Variants in KCNK5 observed in about 807,000 individuals in gnomAD.
The protein encoded by KCNK5 is potassium two pore domain channel subfamily K member 5, also known as potassium channel subfamily K member 5.
In KCNK5, 18 loss-of-function variants were observed where a neutral mutation model predicts 32.9. The ratio of observed to expected loss-of-function variants is 0.55; its 90% confidence interval spans 0.38 to 0.81. KCNK5 has a LOEUF of 0.81. Among genes scored for constraint, KCNK5 ranks in the 30% least tolerant of loss-of-function variants. The probability of loss-of-function intolerance (pLI) is 0.00; values close to 1 mark genes in which losing one functional copy is unlikely to be tolerated. For synonymous variants in KCNK5, 276 were observed against 275.3 expected, an observed-to-expected ratio of 1.00 and a Z score of -0.03; for missense variants, 507 against 651.0, an observed-to-expected ratio of 0.78 and a Z score of 2.41.
chr6:39,202,739 AT>A (rs900032309), intron 1 of KCNK5, among the ~76,000 whole-genome samples: 1 of 152,018 alleles, frequency 6.6e-6, no homozygotes, highest in Admixed American at 6.6e-5. Context: ...CACTCAATCA[AT>A]CCCATTGGCA....
Position 39,194,139 on chromosome 6 carries a change from AAG to A in KCNK5, c.634+28_634+29del, listed in dbSNP as rs1488092119. ...TGCACTGAAACCAAAGAAGCAGAAA[AAG>A]AGGTGGGAGGCAGAGGCAGGGACTC... On this transcript the variant is annotated intron_variant, in intron 4 of 4. Coordinates refer to ENST00000359534, the MANE Select transcript of KCNK5 (RefSeq NM_003740.4). This position sits in a 1 kb window ranked among gnomAD's most constrained non-coding sequence, Gnocchi z 4.7. 1.2e-6 allele frequency: 2 copies of A among 1,613,706 alleles called. No homozygotes were observed. The highest frequency in any genetic ancestry group is 1.7e-5 in the Admixed American group (1 of 60,010).
chr6:39,209,734 C>CAA (rs1308961570), intron 1 of KCNK5, among the ~76,000 whole-genome samples: 4 of 152,194 alleles, frequency 2.6e-5, no homozygotes, highest in Non-Finnish European at 4.4e-5. Flanking sequence ...CAGACGTTTC[C>CAA]AAGCCTGTTT....
At chr6:39,199,659 C>T (rs547971501) in intron 1 of KCNK5, among the ~76,000 whole-genome samples, 2 of 152,306 alleles carry the variant, frequency 1.3e-5, no homozygotes, top group African/African-American at 4.8e-5. Context: ...AAGTTCAAGC[C>T]TCCCTGCCTC....
rs374676904 is a variant in KCNK5, at chr6:39,228,940, C to G, written c.172G>C (p.Asp58His). ...EFPCLGQEGL[D>H]KILEVVSDAA... is the part of the protein sequence containing the mutation. ...CGGCGACTGACCTCTAGGATCTTGT[C>G]CAGGCCCTCCTGACCCAGGCACGGG... The change falls in exon 1 of 5, where the codon GAC (aspartate) becomes CAC (histidine). Residue 58 changes from aspartate (D) to histidine (H), a missense_variant. Coordinates refer to ENST00000359534, the MANE Select transcript of KCNK5 (RefSeq NM_003740.4). 6.2e-7 allele frequency: 1 copy of G among 1,614,022 alleles called. No individual in the cohort carries two copies. The highest frequency in any genetic ancestry group is 8.5e-7 in the Non-Finnish European group (1 of 1,180,016).
At chr6:39,213,827 C>T (rs1196222820) in intron 1 of KCNK5, among the ~76,000 whole-genome samples, 1 of 152,082 alleles carries the variant, frequency 6.6e-6, no homozygotes, top group African/African-American at 2.4e-5. Context: ...ATTTTCCAGA[C>T]CAGCCTGGCC....
Position 39,220,082 on chromosome 6 carries a change from G to A in KCNK5, c.186+8844C>T, listed in dbSNP as rs997567089. 5.9e-5 allele frequency among the ~76,000 whole-genome samples: 9 copies of A among 152,216 alleles called. 1 individual carries two copies. The highest frequency in any genetic ancestry group is 4.1e-4 in the South Asian group (2 of 4,832). The stretch of plus-strand genomic sequence containing the variant: ...CACAGAAGCACTCAGACAAATGGAA[G>A]GGGGCTCTGCTGTGTCCTCCCCACC... On this transcript the variant is annotated intron_variant, in intron 1 of 4. Coordinates refer to ENST00000359534, the MANE Select transcript of KCNK5 (RefSeq NM_003740.4).
chr6:39,224,403 A>G (rs1272253983), intron 1 of KCNK5, among the ~76,000 whole-genome samples: 1 of 152,164 alleles, frequency 6.6e-6, no homozygotes, highest in East Asian at 1.9e-4. Context: ...AATTCAATGT[A>G]CCCCATTCTA....
intron 1 of KCNK5, among the ~76,000 whole-genome samples, chr6:39,213,390 A>G (rs986467229): frequency 6.6e-6 from 1 of 152,228 alleles, no homozygotes; most frequent in Admixed American, 6.5e-5. Flanking sequence ...TCTATGACGC[A>G]ATATTAACGG....
chr6:39,224,155 G>A (rs1398834447), intron 1 of KCNK5, among the ~76,000 whole-genome samples: 1 of 150,968 alleles, frequency 6.6e-6, no homozygotes, highest in Admixed American at 6.6e-5. Flanking sequence ...ATTAGGAAGG[G>A]ACCTCTTCAA....
At chr6:39,215,674 A>G (rs1771420029) in intron 1 of KCNK5, among the ~76,000 whole-genome samples, 1 of 152,250 alleles carries the variant, frequency 6.6e-6, no homozygotes, top group Non-Finnish European at 1.5e-5. Flanking sequence ...TGCAGACCAC[A>G]GTCCAGCTAG....
chr6:39,191,175 CCATGGCTCGCAT>C lies in KCNK5; in HGVS notation c.1203_1214del (p.Cys402_Trp405del). 6.2e-7 allele frequency: 1 copy of C among 1,614,206 alleles called. No individual in the cohort carries two copies. On this transcript the variant is annotated inframe_deletion, in exon 5 of 5. Transcript: ENST00000359534. The surrounding 1 kb of genome is among the most constrained non-coding windows in gnomAD (Gnocchi z 5.8). Reference sequence around the variant, plus strand: ...TGAGTGGGTGGTAGTCCTGGGCGTCCCATGGCTCGCATTCCTCGCTGATGCGGTCCAGCTGGT... The same window carrying C: ...TGAGTGGGTGGTAGTCCTGGGCGTCCTCCTCGCTGATGCGGTCCAGCTGGT...
intron 1 of KCNK5, among the ~76,000 whole-genome samples, chr6:39,215,961 C>A (rs1056473885): frequency 6.6e-6 from 1 of 152,194 alleles, no homozygotes; most frequent in African/African-American, 2.4e-5. Flanking sequence ...GCTGTGGCAG[C>A]CACTTATATA....
In KCNK5 at chr6:39,221,568, A is replaced by G. The variant is rs113513555; in HGVS notation, c.186+7358T>C. ...CAGAATGCTCACAGGGCTACTGCCC[A>G]TGCCACTCACCCTCCAAGCCTGCCT... On this transcript the variant is annotated intron_variant, in intron 1 of 4. Coordinates refer to ENST00000359534, the MANE Select transcript of KCNK5 (RefSeq NM_003740.4). Among the ~76,000 whole-genome samples, 1,350 of 152,316 alleles carry G rather than the reference A, an allele frequency of 8.9e-3. 25 individuals are homozygous for G. The highest frequency in any genetic ancestry group is 0.031 in the African/African-American group (1,268 of 41,564).
intron 1 of KCNK5, among the ~76,000 whole-genome samples, chr6:39,218,070 C>CTTT (rs796153225): frequency 1.5e-5 from 2 of 130,380 alleles, no homozygotes; most frequent in African/African-American, 5.8e-5. Context: ...ACTTACAGGC[C>CTTT]TTTTTTTTTT....
Position 39,229,282 on chromosome 6 carries a change from G to A in KCNK5, c.-171C>T, listed in dbSNP as rs1451771150. On this transcript the variant is annotated 5_prime_UTR_variant, in exon 1 of 5. Transcript: ENST00000359534. ...TCCCCGGACAGAGTTGCTTGGCCAA[G>A]TTGGCCCACGGAGTGCGGGGAGCTG... The A allele has an allele frequency of 4.0e-6, 3 of 751,040 alleles. No individual in the cohort carries two copies. Among genetic ancestry groups the A allele is most frequent in the Non-Finnish European group, 4.2e-6 (2 of 475,466 alleles). The allele number at this position is 751,040 out of a possible 1,614,324, so 46.5% of individuals were successfully genotyped here.
chr6:39,208,483 C>G (rs558332615), intron 1 of KCNK5, among the ~76,000 whole-genome samples: 3 of 152,214 alleles, frequency 2.0e-5, no homozygotes, highest in Non-Finnish European at 4.4e-5. Flanking sequence ...ACCACCTGTC[C>G]CGAAATCCTT....
At chr6:39,207,800 T>G (rs887112911) in intron 1 of KCNK5, among the ~76,000 whole-genome samples, 2 of 152,112 alleles carry the variant, frequency 1.3e-5, no homozygotes, top group Non-Finnish European at 2.9e-5. Context: ...TGGCTGCCAG[T>G]CCTGTTCTCC....
rs1253363250 is a variant in KCNK5, at chr6:39,217,258, G to A, written c.186+11668C>T. On this transcript the variant is annotated intron_variant, in intron 1 of 4. Transcript: ENST00000359534. ...TGTAGTGTGGCTGACTGGGATCAAC[G>A]GCAGGGGTCCAGAAAGGCGAGATCA... 2.0e-5 allele frequency among the ~76,000 whole-genome samples: 3 copies of A among 151,908 alleles called. No individual in the cohort carries two copies. In the East Asian group the frequency reaches 5.8e-4, roughly 29 times the overall value.
At chr6:39,202,817 C>T (rs1446114495) in intron 1 of KCNK5, among the ~76,000 whole-genome samples, 1 of 152,030 alleles carries the variant, frequency 6.6e-6, no homozygotes, top group Non-Finnish European at 1.5e-5. Context: ...CAAATGCAGA[C>T]CTGTGCTCAT....
Sources: gnomAD v4.1 joint callset for allele counts (sites outside exome capture counted in the v4.1 genomes callset) on GRCh38, gnomAD v4.1.1 for gene constraint, Gnocchi (gnomAD v3.1) non-coding constraint, MANE v1.5 for transcripts, NCBI Gene and HGNC (gene_info 2026-07-23, HGNC 2026-07-21) for gene names.